Variants in ANKRD11 observed in about 807,000 individuals in gnomAD.
ANKRD11 encodes the protein ankyrin repeat domain-containing protein 11.
Under a neutral mutation model 195.7 loss-of-function variants are expected in ANKRD11, and 17 were observed. That is an observed-to-expected ratio of 0.09 (90% confidence interval 0.06 to 0.13). The LOEUF is 0.13. Among genes scored for constraint, ANKRD11 ranks in the 10% least tolerant of loss-of-function variants. ANKRD11 has a pLI of 1.00. For synonymous variants in ANKRD11, 1,953 were observed against 1,528.1 expected (o/e 1.28, Z -6.49); for missense variants, 3,735 against 3,566.1 (o/e 1.05, Z -1.21).
intron 1 of ANKRD11, among the ~76,000 whole-genome samples, chr16:89,482,296 T>C (rs1336865426): frequency 6.6e-6 from 1 of 152,152 alleles, no homozygotes; most frequent in African/African-American, 2.4e-5. Flanking sequence ...CACCGTGCTT[T>C]ACAAACATGC....
intron 2 of ANKRD11, among the ~76,000 whole-genome samples, chr16:89,402,681 G>T (rs560788470): frequency 6.7e-6 from 1 of 150,002 alleles, no homozygotes; most frequent in Admixed American, 6.7e-5. Context: ...GTGGTTCTGC[G>T]GGAGGAGGTG....
intron 1 of ANKRD11, among the ~76,000 whole-genome samples, chr16:89,479,354 C>T (rs1481228900): frequency 6.6e-6 from 1 of 152,218 alleles, no homozygotes; most frequent in East Asian, 1.9e-4. Flanking sequence ...ATATCTAGGC[C>T]TGGCGCAGTG....
intron 2 of ANKRD11, among the ~76,000 whole-genome samples, chr16:89,411,237 G>T (rs1163295853): frequency 6.6e-6 from 1 of 152,224 alleles, no homozygotes; most frequent in Non-Finnish European, 1.5e-5. Context: ...TGCCACCACG[G>T]GGGCCCAGGG....
chr16:89,371,504 T>C (rs776126889), intron 2 of ANKRD11, among the ~76,000 whole-genome samples: 1 of 151,732 alleles, frequency 6.6e-6, no homozygotes, highest in Non-Finnish European at 1.5e-5. Flanking sequence ...ATGTGGTCTG[T>C]AGTCTGTGCA....
intron 1 of ANKRD11, among the ~76,000 whole-genome samples, chr16:89,418,894 C>A (rs2042403022): frequency 6.6e-6 from 1 of 151,894 alleles, no homozygotes; most frequent in Non-Finnish European, 1.5e-5. Context: ...CTCAGCCTCC[C>A]GAGTAGATGG....
At chr16:89,351,824 T>G (rs761355311) in intron 2 of ANKRD11, among the ~76,000 whole-genome samples, 1 of 152,172 alleles carries the variant, frequency 6.6e-6, no homozygotes, top group Non-Finnish European at 1.5e-5. Context: ...GTCCTGGTGG[T>G]TGAACAGACC....
chr16:89,490,513 C>T lies in ANKRD11; in HGVS notation c.-413G>A, dbSNP rs1161971905. 8 of 471,126 alleles carry T rather than the reference C, an allele frequency of 1.7e-5. No homozygotes were observed. The highest frequency in any genetic ancestry group is 3.1e-5 in the Non-Finnish European group (8 of 262,224). The allele number at this position is 471,126 out of a possible 1,614,324, so 29.2% of individuals were successfully genotyped here. ...GGCCGCGGGCTCGGCGGCGGCGCCTCCCCGGCTGGGGCCCTCGGTCCATCG... is the reference window on the plus strand; with the variant it reads ...GGCCGCGGGCTCGGCGGCGGCGCCTTCCCGGCTGGGGCCCTCGGTCCATCG... On this transcript the variant is annotated 5_prime_UTR_variant, in exon 1 of 13. Transcript: ENST00000301030.
chr16:89,295,260 G>A (rs2035339916), intron 4 of ANKRD11, among the ~76,000 whole-genome samples: 1 of 152,222 alleles, frequency 6.6e-6, no homozygotes, highest in Non-Finnish European at 1.5e-5. Context: ...TGGGGCTGAG[G>A]GCAGAGGTCC....
At chr16:89,462,351 G>A (rs903575433) in intron 1 of ANKRD11, among the ~76,000 whole-genome samples, 13 of 152,222 alleles carry the variant, frequency 8.5e-5, no homozygotes, top group African/African-American at 2.4e-4. Flanking sequence ...GATTGCAGAC[G>A]GAGTCTCGTT....
intron 2 of ANKRD11, among the ~76,000 whole-genome samples, chr16:89,318,462 C>T (rs543999355): frequency 3.3e-5 from 5 of 152,352 alleles, no homozygotes; most frequent in South Asian, 4.1e-4. Flanking sequence ...CACCTCTGTG[C>T]GCGACCATGC....
chr16:89,455,709 T>C (rs569256356), intron 1 of ANKRD11, among the ~76,000 whole-genome samples: 4 of 152,274 alleles, frequency 2.6e-5, no homozygotes, highest in East Asian at 1.9e-4. Flanking sequence ...GCAGCCCCCA[T>C]TGCTGGTACA....
intron 2 of ANKRD11, among the ~76,000 whole-genome samples, chr16:89,356,813 G>C (rs1170227832): frequency 1.3e-5 from 2 of 149,572 alleles, no homozygotes; most frequent in South Asian, 4.2e-4. Context: ...GAAAAAAAAA[G>C]AACGTAATGG....
chr16:89,430,429 A>G (rs1228626458), intron 1 of ANKRD11, among the ~76,000 whole-genome samples: 1 of 148,618 alleles, frequency 6.7e-6, no homozygotes, highest in Non-Finnish European at 1.5e-5. Flanking sequence ...AGTACACAGC[A>G]GGGATTCTCA....
chr16:89,371,265 G>A (rs373003104), intron 2 of ANKRD11, among the ~76,000 whole-genome samples: 48 of 152,298 alleles, frequency 3.2e-4, no homozygotes, highest in African/African-American at 1.1e-3. Flanking sequence ...CAGAGAGGCA[G>A]GTTCAGCATG....
In ANKRD11 at chr16:89,415,532, G is replaced by A. The variant is rs566869992; in HGVS notation, c.-60+2752C>T. ...ACCCGCCTCGGCCTCCCAAAGTGCTGGGATTACAGGTGTGAGCCACTGCGC... is the reference window on the plus strand; with the variant it reads ...ACCCGCCTCGGCCTCCCAAAGTGCTAGGATTACAGGTGTGAGCCACTGCGC... On this transcript the variant is annotated intron_variant, in intron 2 of 12. Coordinates refer to ENST00000301030, the MANE Select transcript of ANKRD11 (RefSeq NM_013275.6). Among the ~76,000 whole-genome samples the A allele has an allele frequency of 3.3e-4, 50 of 151,828 alleles. 1 individual carries two copies. The highest frequency in any genetic ancestry group is 1.2e-3 in the African/African-American group (48 of 41,356).
chr16:89,463,914 C>CA (rs1165141105), intron 1 of ANKRD11, among the ~76,000 whole-genome samples: 1 of 152,116 alleles, frequency 6.6e-6, no homozygotes, highest in African/African-American at 2.4e-5. Flanking sequence ...ATTCTATTTA[C>CA]AAAAAACAAT....
chr16:89,449,187 CAAAAAA>C (rs397778191), intron 1 of ANKRD11, among the ~76,000 whole-genome samples: 1 of 73,472 alleles, frequency 1.4e-5, no homozygotes, highest in African/African-American at 5.5e-5. Flanking sequence ...CCAGTCTCTA[CAAAAAA>C]AAAAAAAAAA....
chr16:89,428,549 G>C (rs1402067884), intron 1 of ANKRD11, among the ~76,000 whole-genome samples: 1 of 151,970 alleles, frequency 6.6e-6, no homozygotes, highest in African/African-American at 2.4e-5. Context: ...AATGATGAAT[G>C]AATGAATAAA....
At chr16:89,299,173 G>A (rs72803313) in intron 4 of ANKRD11, 5,250 of 156,444 alleles carry the variant, frequency 0.034, 157 homozygotes, top group East Asian at 0.065. Context: ...CCTGTGTATC[G>A]AGGAGAGGAG....
Sources: gnomAD v4.1 joint callset for allele counts (sites outside exome capture counted in the v4.1 genomes callset) on GRCh38, gnomAD v4.1.1 for gene constraint, MANE v1.5 for transcripts, NCBI Gene and HGNC (gene_info 2026-07-23, HGNC 2026-07-21) for gene names.